The following ARID4B variants were observed in gnomAD, a reference collection of about 807,000 sequenced individuals.
ARID4B encodes the protein AT-rich interactive domain-containing protein 4B.
Under a neutral mutation model 147.5 loss-of-function variants are expected in ARID4B, and 26 were observed. The ratio of observed to expected loss-of-function variants is 0.18; its 90% CI spans 0.13 to 0.24. The LOEUF is 0.24. Among genes scored for constraint, ARID4B ranks in the 10% least tolerant of loss-of-function variants. The pLI, the probability that ARID4B is intolerant of heterozygous loss-of-function variation, is 1.00. For missense variants in ARID4B, 1,179 were observed against 1,511.5 expected, an observed-to-expected ratio of 0.78 and a Z score of 3.65; for synonymous variants, 512 against 507.9, an observed-to-expected ratio of 1.01 and a Z score of -0.11.
At chr1:235,318,528 C>A (rs553171773) in intron 2 of ARID4B, among the ~76,000 whole-genome samples, 1 of 152,050 alleles carries the variant, frequency 6.6e-6, no homozygotes. Flanking sequence ...ACAAAAAGGC[C>A]ACATATGTAT....
At chr1:235,240,859 T>C (rs1668939157) in intron 7 of ARID4B, among the ~76,000 whole-genome samples, 1 of 152,078 alleles carries the variant, frequency 6.6e-6, no homozygotes, top group African/African-American at 2.4e-5. Context: ...TTTTAAAAGG[T>C]AGGAGAGCAG....
intron 8 of ARID4B, among the ~76,000 whole-genome samples, chr1:235,238,986 CTTTT>C (rs5781822): frequency 7.2e-6 from 1 of 139,368 alleles, no homozygotes; most frequent in Non-Finnish European, 1.6e-5. Context: ...TTTTTTTCTT[CTTTT>C]TTTTTTTTTT....
chr1:235,263,758 C>T (rs893679051), intron 2 of ARID4B, among the ~76,000 whole-genome samples: 1 of 151,584 alleles, frequency 6.6e-6, no homozygotes, highest in Non-Finnish European at 1.5e-5. Context: ...GAGGCTGAGG[C>T]GGGCGGATCA....
chr1:235,186,499 C>T lies in ARID4B; in HGVS notation c.2126-3706G>A, dbSNP rs368536144. Among the ~76,000 whole-genome samples the T allele has an allele frequency of 2.3e-3, 347 of 151,762 alleles. 12 individuals carry two copies. The South Asian group carries it at 0.067, about 29-fold the overall frequency. ...GATCTCAGTTCACTACAACCTCCACCTCCCGGGTTCAGGCAATTCTCCTGT... is the reference window on the plus strand; with the variant it reads ...GATCTCAGTTCACTACAACCTCCACTTCCCGGGTTCAGGCAATTCTCCTGT... On this transcript the variant is annotated intron_variant, in intron 19 of 23. Transcript: ENST00000264183.
chr1:235,286,060 G>GTTTTGTTTTT (rs145854651), intron 2 of ARID4B, among the ~76,000 whole-genome samples: 3,566 of 151,464 alleles, frequency 0.024, 79 homozygotes, highest in African/African-American at 0.051. Flanking sequence ...GTTTTGTTTT[G>GTTTTGTTTTT]TTTTGAGATA....
intron 2 of ARID4B, among the ~76,000 whole-genome samples, chr1:235,281,465 C>A (rs1413135797): frequency 1.5e-5 from 2 of 135,720 alleles, no homozygotes; most frequent in Non-Finnish European, 1.7e-5. Context: ...GCACAAGAAT[C>A]GATTGAACCC....
chr1:235,195,113 A>G (rs1665404250), intron 18 of ARID4B, among the ~76,000 whole-genome samples: 1 of 152,184 alleles, frequency 6.6e-6, no homozygotes, highest in African/African-American at 2.4e-5. Context: ...AGCACTATAA[A>G]TTTTGAGTGA....
intron 17 of ARID4B, among the ~76,000 whole-genome samples, chr1:235,211,029 C>A (rs1023107283): frequency 1.3e-5 from 2 of 152,012 alleles, no homozygotes; most frequent in African/African-American, 2.4e-5. Flanking sequence ...GTTTAAAGAG[C>A]CAATTAATAG....
chr1:235,288,235 G>T (rs1458739975), intron 2 of ARID4B, among the ~76,000 whole-genome samples: 1 of 152,074 alleles, frequency 6.6e-6, no homozygotes, highest in Non-Finnish European at 1.5e-5. Context: ...CTTGAACTCA[G>T]GAGACGGAGA....
At chr1:235,177,087 T>C (rs1663939774) in intron 21 of ARID4B, among the ~76,000 whole-genome samples, 1 of 152,204 alleles carries the variant, frequency 6.6e-6, no homozygotes, top group Non-Finnish European at 1.5e-5. Flanking sequence ...GGTCACATAA[T>C]ATAGAGTACC....
chr1:235,265,722 G>T (rs1031247176), intron 2 of ARID4B, among the ~76,000 whole-genome samples: 2 of 151,702 alleles, frequency 1.3e-5, no homozygotes, highest in South Asian at 2.1e-4. Context: ...GAAAAAAAAG[G>T]GTATATGTTC....
intron 10 of ARID4B, among the ~76,000 whole-genome samples, chr1:235,230,325 A>T (rs1199498792): frequency 6.6e-6 from 1 of 152,008 alleles, no homozygotes; most frequent in Non-Finnish European, 1.5e-5. Flanking sequence ...GAGGCAGGAC[A>T]ATCGCTTGAA....
chr1:235,214,929 C>T (rs1666958724), intron 16 of ARID4B, among the ~76,000 whole-genome samples: 1 of 149,312 alleles, frequency 6.7e-6, no homozygotes, highest in Admixed American at 6.8e-5. Context: ...GCAACCTCCG[C>T]CTCCCAGGTT....
intron 21 of ARID4B, chr1:235,175,760 A>G (rs1663824426): frequency 5.1e-6 from 1 of 196,844 alleles, no homozygotes; most frequent in African/African-American, 2.4e-5. Context: ...TACAATGAAT[A>G]TGTAACATTG....
At chr1:235,250,756 C>T (rs959290272) in intron 6 of ARID4B, among the ~76,000 whole-genome samples, 2 of 152,186 alleles carry the variant, frequency 1.3e-5, no homozygotes, top group Non-Finnish European at 1.5e-5. Context: ...CACACCTGCA[C>T]AGACACACTA....
intron 2 of ARID4B, among the ~76,000 whole-genome samples, chr1:235,292,835 C>A (rs1338472208): frequency 6.6e-6 from 1 of 152,020 alleles, no homozygotes; most frequent in African/African-American, 2.4e-5. Context: ...ACAACATGGA[C>A]CCCAAAGTCT....
intron 17 of ARID4B, among the ~76,000 whole-genome samples, chr1:235,202,049 A>G (rs1325353320): frequency 6.6e-6 from 1 of 150,440 alleles, no homozygotes; most frequent in Non-Finnish European, 1.5e-5. Context: ...ACATATATAT[A>G]CAATCCAGGA....
intron 17 of ARID4B, among the ~76,000 whole-genome samples, chr1:235,198,359 T>C (rs1009783259): frequency 1.1e-4 from 17 of 152,188 alleles, no homozygotes; most frequent in Non-Finnish European, 1.9e-4. Context: ...TATTGCACAT[T>C]TGTATATTTT....
rs377221733 is a variant in ARID4B, at chr1:235,244,847, T to C, written c.446+1573A>G. Among the ~76,000 whole-genome samples the C allele has an allele frequency of 5.3e-5, 8 of 152,326 alleles. No individual in the cohort carries two copies. In the East Asian group the frequency reaches 1.4e-3, roughly 26 times the overall value. ...GCCCTTAAGATCTAGGTTTAAGACTTTGTTGCAGAAAATCACTTTGAAGAA... is the reference window on the plus strand; with the variant it reads ...GCCCTTAAGATCTAGGTTTAAGACTCTGTTGCAGAAAATCACTTTGAAGAA... On this transcript the variant is annotated intron_variant, in intron 7 of 23. Transcript: ENST00000264183.
Sources: gnomAD v4.1 joint callset for allele counts (sites outside exome capture counted in the v4.1 genomes callset) on GRCh38, gnomAD v4.1.1 for gene constraint, MANE v1.5 for transcripts, NCBI Gene and HGNC (gene_info 2026-07-23, HGNC 2026-07-21) for gene names.